Variants in NKAIN2 observed in about 807,000 individuals in gnomAD.
NKAIN2 encodes sodium/potassium-transporting ATPase subunit beta-1-interacting protein 2.
NKAIN2 carries 14 observed loss-of-function variants against 32.6 expected under a neutral mutation model. The observed-to-expected ratio is 0.43, with a 90% confidence interval of 0.28 to 0.67. NKAIN2 has a LOEUF of 0.67. Among genes scored for constraint, NKAIN2 ranks in the 30% least tolerant of loss-of-function variants. The pLI, the probability that NKAIN2 is intolerant of heterozygous loss-of-function variation, is 0.17. For synonymous variants in NKAIN2, 80 were observed against 87.2 expected (o/e 0.92, Z 0.46); for missense variants, 198 against 258.3 (o/e 0.77, Z 1.60).
intron 1 of NKAIN2, among the ~76,000 whole-genome samples, chr6:124,076,021 A>T (rs1475234751): frequency 2.0e-5 from 3 of 152,250 alleles, no homozygotes; most frequent in Admixed American, 6.5e-5. Flanking sequence ...ATTGTATATC[A>T]CACAGGCAGG....
rs1335126077 is a variant in NKAIN2 at position 123,804,119 on chromosome 6, C to T, written c.-82C>T. 4 of 1,321,598 alleles carry T rather than the reference C, an allele frequency of 3.0e-6. No individual in the cohort carries two copies. The highest frequency in any genetic ancestry group is 1.4e-5 in the African/African-American group (1 of 69,144). 81.9% of individuals were successfully genotyped at this position (1,321,598 alleles called of 1,614,324 possible). ...GCCCTCGGCAGGTTTGCGTGTCCTTCCCCGCGATCTGATTGGATAAAGTGG... is the reference window on the plus strand; with the variant it reads ...GCCCTCGGCAGGTTTGCGTGTCCTTTCCCGCGATCTGATTGGATAAAGTGG... On this transcript the variant is annotated 5_prime_UTR_variant, in exon 1 of 7. Coordinates refer to ENST00000368417, the MANE Select transcript of NKAIN2 (RefSeq NM_001040214.3).
intron 1 of NKAIN2, among the ~76,000 whole-genome samples, chr6:124,260,626 C>G (rs1050794440): frequency 6.6e-6 from 1 of 152,080 alleles, no homozygotes; most frequent in Non-Finnish European, 1.5e-5. Flanking sequence ...GAGACTGGGG[C>G]CATTTGCAGG....
intron 3 of NKAIN2, among the ~76,000 whole-genome samples, chr6:124,432,833 T>C (rs923070500): frequency 2.0e-5 from 3 of 152,052 alleles, no homozygotes; most frequent in Non-Finnish European, 4.4e-5. Context: ...TCCAGACTGC[T>C]TCTTCCCCCA....
At chr6:124,637,280 C>T (rs1156532527) in intron 3 of NKAIN2, among the ~76,000 whole-genome samples, 1 of 151,982 alleles carries the variant, frequency 6.6e-6, no homozygotes, top group Non-Finnish European at 1.5e-5. Flanking sequence ...CTACAAATAA[C>T]ATCACACCTA....
At chr6:124,715,632 C>G (rs1353449405) in intron 4 of NKAIN2, among the ~76,000 whole-genome samples, 1 of 152,212 alleles carries the variant, frequency 6.6e-6, no homozygotes, top group Non-Finnish European at 1.5e-5. Context: ...CTTGGAGAAT[C>G]AAGGACCACG....
chr6:124,379,988 CT>C (rs1222045880), intron 3 of NKAIN2, among the ~76,000 whole-genome samples: 2 of 152,098 alleles, frequency 1.3e-5, no homozygotes, highest in Non-Finnish European at 2.9e-5. Context: ...GGGAGGGAGA[CT>C]TTTACTTTTC....
At chr6:124,388,097 A>G (rs935445629) in intron 3 of NKAIN2, among the ~76,000 whole-genome samples, 2 of 152,074 alleles carry the variant, frequency 1.3e-5, no homozygotes, top group African/African-American at 4.8e-5. Flanking sequence ...AAATGTCAAC[A>G]GTTCCAAGGT....
chr6:124,347,623 G>T (rs9388324), intron 2 of NKAIN2, among the ~76,000 whole-genome samples: 1 of 151,712 alleles, frequency 6.6e-6, no homozygotes, highest in African/African-American at 2.4e-5. Flanking sequence ...CCAGTTGATC[G>T]CATCAGCTCC....
At chr6:124,168,240 A>C (rs1178649877) in intron 1 of NKAIN2, among the ~76,000 whole-genome samples, 1 of 152,166 alleles carries the variant, frequency 6.6e-6, no homozygotes, top group East Asian at 1.9e-4. Flanking sequence ...AAAATTTGAC[A>C]AGTTAACTGA....
At chr6:124,017,308 A>G (rs948715012) in intron 1 of NKAIN2, among the ~76,000 whole-genome samples, 1 of 152,110 alleles carries the variant, frequency 6.6e-6, no homozygotes, top group African/African-American at 2.4e-5. Context: ...GGGAGTTACA[A>G]TTGGAGATAA....
intron 3 of NKAIN2, among the ~76,000 whole-genome samples, chr6:124,361,587 C>A (rs1243364583): frequency 6.6e-6 from 1 of 151,944 alleles, no homozygotes; most frequent in Non-Finnish European, 1.5e-5. Context: ...TCAGAATGAA[C>A]ACATTTAGAA....
chr6:123,878,777 G>A (rs139110482), intron 1 of NKAIN2, among the ~76,000 whole-genome samples: 5 of 152,062 alleles, frequency 3.3e-5, no homozygotes, highest in African/African-American at 4.8e-5. Flanking sequence ...TGGCATTGCT[G>A]GACCTGTAAT....
At chr6:123,833,918 G>A (rs1179836606) in intron 1 of NKAIN2, among the ~76,000 whole-genome samples, 1 of 151,546 alleles carries the variant, frequency 6.6e-6, no homozygotes, top group Non-Finnish European at 1.5e-5. Flanking sequence ...AGTAGAATCG[G>A]GGTTTCACCA....
Position 124,162,946 on chromosome 6 carries a change from A to G in NKAIN2, c.55-120059A>G, listed in dbSNP as rs543415493. ...TAATTTAGTGTAAATAAATTTTACT[A>G]TCCGATTCTGTGTGGAAGTTGTATA... On this transcript the variant is annotated intron_variant, in intron 1 of 6. Transcript: ENST00000368417. 1.3e-4 allele frequency among the ~76,000 whole-genome samples: 20 copies of G among 152,168 alleles called. No homozygotes were observed. In the South Asian group the frequency reaches 3.9e-3, roughly 30 times the overall value.
At chr6:123,911,180 CCTT>C (rs1775159840) in intron 1 of NKAIN2, among the ~76,000 whole-genome samples, 1 of 151,888 alleles carries the variant, frequency 6.6e-6, no homozygotes, top group Non-Finnish European at 1.5e-5. Context: ...CTTTTGAAAC[CCTT>C]CTTCTAATTC....
intron 1 of NKAIN2, among the ~76,000 whole-genome samples, chr6:124,014,194 A>T (rs1046342014): frequency 7.2e-5 from 11 of 152,178 alleles, no homozygotes; most frequent in South Asian, 2.1e-4. Context: ...ATGAATATTT[A>T]TTGTATGAAA....
At chr6:124,242,685 G>C (rs771830420) in intron 1 of NKAIN2, among the ~76,000 whole-genome samples, 1 of 151,840 alleles carries the variant, frequency 6.6e-6, no homozygotes, top group East Asian at 1.9e-4. Flanking sequence ...AAATGTGGAC[G>C]TATACACCAT....
intron 2 of NKAIN2, among the ~76,000 whole-genome samples, chr6:124,331,503 T>C (rs1336727648): frequency 7.4e-6 from 1 of 135,768 alleles, no homozygotes; most frequent in Non-Finnish European, 1.5e-5. Flanking sequence ...CACTCCAGCC[T>C]GGGTGACAGA....
intron 3 of NKAIN2, among the ~76,000 whole-genome samples, chr6:124,569,608 G>C (rs554422381): frequency 9.2e-5 from 14 of 152,216 alleles, no homozygotes; most frequent in African/African-American, 3.1e-4. Flanking sequence ...AGAGGTTTCT[G>C]CTTTTGCTTC....
Sources: gnomAD v4.1 joint callset for allele counts (sites outside exome capture counted in the v4.1 genomes callset) on GRCh38, gnomAD v4.1.1 for gene constraint, MANE v1.5 for transcripts, NCBI Gene and HGNC (gene_info 2026-07-23, HGNC 2026-07-21) for gene names.